Variants in PRKN observed in about 807,000 individuals in gnomAD.
PRKN encodes E3 ubiquitin-protein ligase parkin.
A neutral mutation model predicts 59.5 loss-of-function variants in PRKN; 56 were observed. That is an observed-to-expected ratio of 0.94 (90% CI 0.76 to 1.18). PRKN has a LOEUF of 1.18. PRKN is among the 50% of genes most tolerant of loss of function. The pLI, the probability that PRKN is intolerant of heterozygous loss-of-function variation, is 0.00. For synonymous variants in PRKN, 250 were observed against 222.1 expected, an observed-to-expected ratio of 1.13 and a Z score of -1.12; for missense variants, 657 against 596.4, an observed-to-expected ratio of 1.10 and a Z score of -1.06.
intron 1 of PRKN, among the ~76,000 whole-genome samples, chr6:162,587,262 A>G (rs1195894437): frequency 6.6e-6 from 1 of 152,072 alleles, no homozygotes; most frequent in East Asian, 1.9e-4. Flanking sequence ...CAGCCTCCCA[A>G]GTAGCTGGGA....
At chr6:162,420,258 A>AGG (rs1788888317) in intron 2 of PRKN, among the ~76,000 whole-genome samples, 2 of 139,664 alleles carry the variant, frequency 1.4e-5, no homozygotes, top group African/African-American at 2.6e-5. Context: ...ACATTTCACA[A>AGG]TGGCGGGGAG....
intron 4 of PRKN, among the ~76,000 whole-genome samples, chr6:162,178,480 C>T (rs1001707995): frequency 1.3e-5 from 2 of 152,154 alleles, no homozygotes; most frequent in Non-Finnish European, 2.9e-5. Context: ...TGGCCTATGG[C>T]TCCGGTGCTC....
intron 4 of PRKN, among the ~76,000 whole-genome samples, chr6:162,065,428 G>A (rs1414951021): frequency 6.6e-6 from 1 of 152,164 alleles, no homozygotes; most frequent in African/African-American, 2.4e-5. Flanking sequence ...AGCCATGGGG[G>A]CAGCAGACTG....
intron 2 of PRKN, among the ~76,000 whole-genome samples, chr6:162,320,297 T>A (rs1782937241): frequency 6.8e-6 from 1 of 146,150 alleles, no homozygotes; most frequent in Non-Finnish European, 1.5e-5. Context: ...CTTGATGTAA[T>A]GATTTTTCCT....
At chr6:162,534,199 C>G (rs1241780704) in intron 1 of PRKN, among the ~76,000 whole-genome samples, 1 of 152,072 alleles carries the variant, frequency 6.6e-6, no homozygotes, top group Non-Finnish European at 1.5e-5. Flanking sequence ...CGCCATCTTA[C>G]GCTAGCAGGT....
intron 6 of PRKN, among the ~76,000 whole-genome samples, chr6:161,899,130 G>C (rs1191608690): frequency 6.6e-6 from 1 of 152,238 alleles, no homozygotes; most frequent in African/African-American, 2.4e-5. Context: ...GCGTGGCCCA[G>C]ACAGTGACTG....
At chr6:162,415,979 T>C (rs1788612508) in intron 2 of PRKN, among the ~76,000 whole-genome samples, 2 of 152,248 alleles carry the variant, frequency 1.3e-5, no homozygotes, top group African/African-American at 4.8e-5. Flanking sequence ...TTCTGTTGTT[T>C]AGTGCACTGA....
At chr6:162,049,518 T>C (rs1777538746) in intron 5 of PRKN, among the ~76,000 whole-genome samples, 1 of 152,148 alleles carries the variant, frequency 6.6e-6, no homozygotes, top group Non-Finnish European at 1.5e-5. Context: ...TAGTTGGTGT[T>C]TATTAAATAC....
intron 1 of PRKN, among the ~76,000 whole-genome samples, chr6:162,536,948 TAAGA>T (rs1204375836): frequency 1.3e-5 from 2 of 152,154 alleles, no homozygotes; most frequent in African/African-American, 2.4e-5. Flanking sequence ...CACCAAAGTT[TAAGA>T]AATAGATGGT....
intron 6 of PRKN, among the ~76,000 whole-genome samples, chr6:161,905,106 C>G (rs1168552213): frequency 6.6e-6 from 1 of 152,196 alleles, no homozygotes; most frequent in African/African-American, 2.4e-5. Context: ...TTCACCTCGT[C>G]TCCCTCCACT....
intron 6 of PRKN, among the ~76,000 whole-genome samples, chr6:161,954,307 A>G (rs533509048): frequency 6.6e-6 from 1 of 152,312 alleles, no homozygotes; most frequent in Admixed American, 6.5e-5. Flanking sequence ...TAATCCTGGC[A>G]AGACTGAGGT....
At position 162,593,930 on chromosome 6, in the gene PRKN, C is replaced by T. The variant is rs371282977; in HGVS notation, c.7+133732G>A. Among the ~76,000 whole-genome samples the T allele has an allele frequency of 5.3e-5, 8 of 152,196 alleles. 1 individual carries two copies. In the East Asian group the frequency reaches 5.8e-4, roughly 11 times the overall value. ...TTTGGGAGGCCAAGGCAGTGGATCACTTGAGGTCAGGAGTTCGAGCCCAGC... is the reference window on the plus strand; with the variant it reads ...TTTGGGAGGCCAAGGCAGTGGATCATTTGAGGTCAGGAGTTCGAGCCCAGC... On this transcript the variant is annotated intron_variant, in intron 1 of 11. Transcript: ENST00000366898.
intron 1 of PRKN, among the ~76,000 whole-genome samples, chr6:162,632,459 A>T (rs150739002): frequency 6.6e-6 from 1 of 152,252 alleles, no homozygotes; most frequent in African/African-American, 2.4e-5. Context: ...TAAACATTGA[A>T]CACACCTGGA....
chr6:161,951,432 AAG>A (rs1392120693), intron 6 of PRKN, among the ~76,000 whole-genome samples: 1 of 152,212 alleles, frequency 6.6e-6, no homozygotes, highest in African/African-American at 2.4e-5. Context: ...TCTTTGAAAG[AAG>A]AGTCTCCAGC....
chr6:162,648,248 G>C (rs952353014), intron 1 of PRKN, among the ~76,000 whole-genome samples: 4 of 152,042 alleles, frequency 2.6e-5, no homozygotes, highest in African/African-American at 4.8e-5. Flanking sequence ...TTATAATCAC[G>C]TTTTTGTAAT....
At chr6:162,642,251 A>C (rs920831210) in intron 1 of PRKN, among the ~76,000 whole-genome samples, 2 of 152,170 alleles carry the variant, frequency 1.3e-5, no homozygotes, top group African/African-American at 4.8e-5. Context: ...AGCCACATTC[A>C]TCCTTTTTGC....
At chr6:161,990,578 A>G (rs1372373108) in intron 5 of PRKN, among the ~76,000 whole-genome samples, 1 of 152,220 alleles carries the variant, frequency 6.6e-6, no homozygotes, top group Non-Finnish European at 1.5e-5. Flanking sequence ...TCTAAACAAA[A>G]ATCCTGGATC....
chr6:162,200,023 T>C (rs1166281078), intron 4 of PRKN, among the ~76,000 whole-genome samples: 1 of 152,166 alleles, frequency 6.6e-6, no homozygotes, highest in Non-Finnish European at 1.5e-5. Flanking sequence ...CTGTCCTCAA[T>C]AGCGTTTGAC....
chr6:161,917,713 C>T (rs1377753662), intron 6 of PRKN, among the ~76,000 whole-genome samples: 1 of 152,184 alleles, frequency 6.6e-6, no homozygotes, highest in Non-Finnish European at 1.5e-5. Context: ...GACACAAATA[C>T]TAAGCAATAT....
Sources: gnomAD v4.1 joint callset for allele counts (sites outside exome capture counted in the v4.1 genomes callset) on GRCh38, gnomAD v4.1.1 for gene constraint, MANE v1.5 for transcripts, NCBI Gene and HGNC (gene_info 2026-07-23, HGNC 2026-07-21) for gene names.